The following SYNE1 variants were observed in gnomAD, a reference collection of about 807,000 sequenced individuals.
SYNE1 encodes nesprin-1.
In SYNE1, 616 loss-of-function variants were observed where a neutral mutation model predicts 1,111.0. The ratio of observed to expected loss-of-function variants is 0.55; its 90% CI spans 0.52 to 0.59. The LOEUF is 0.59. Ranked by LOEUF, SYNE1 falls within the 20% of genes least tolerant of loss-of-function variation. The pLI, the probability that SYNE1 is intolerant of heterozygous loss-of-function variation, is 0.00. For missense variants in SYNE1, 10,006 were observed against 10,417.0 expected, an observed-to-expected ratio of 0.96 and a Z score of 1.72; for synonymous variants, 3,855 against 3,825.8, an observed-to-expected ratio of 1.01 and a Z score of -0.28.
At chr6:152,303,402 CAAA>C (rs373230705) in intron 91 of SYNE1, among the ~76,000 whole-genome samples, 2 of 120,404 alleles carry the variant, frequency 1.7e-5, no homozygotes, top group African/African-American at 3.2e-5. Flanking sequence ...GACTCTGTCT[CAAA>C]AAAAAAAAAA....
rs770243142 is a variant in SYNE1, at chr6:152,154,904, T to C, written c.24117A>G (p.Leu8039=). The change falls in exon 133 of 146, where the codon CTA becomes CTG. Residue 8039 remains leucine, a synonymous_variant. Coordinates refer to ENST00000367255, the MANE Select transcript of SYNE1 (RefSeq NM_182961.4). The stretch of plus-strand genomic sequence containing the variant: ...AATTATAGATTACCTCAAATTTCTT[T>C]AGTTCTTCCTTGGCAACTGTATAGA... ...GVIYTVAKEE[L]KKFEAFQRQV... is the part of the protein sequence containing the mutation. 1.2e-6 allele frequency: 2 copies of C among 1,614,180 alleles called. No individual in the cohort carries two copies. Among genetic ancestry groups the C allele is most frequent in the South Asian group, 1.1e-5 (1 of 91,084 alleles).
intron 98 of SYNE1, among the ~76,000 whole-genome samples, chr6:152,273,594 G>A (rs1169587079): frequency 6.6e-6 from 1 of 152,204 alleles, no homozygotes; most frequent in African/African-American, 2.4e-5. Flanking sequence ...ATCCTGGCTT[G>A]TGGATATGCT....
At chr6:152,273,909 G>T (rs1041705362) in intron 98 of SYNE1, among the ~76,000 whole-genome samples, 2 of 152,108 alleles carry the variant, frequency 1.3e-5, no homozygotes, top group Non-Finnish European at 2.9e-5. Context: ...TGTGAGTGAG[G>T]ATCAGGCCGC....
At chr6:152,303,977 G>A (rs530860263) in intron 91 of SYNE1, among the ~76,000 whole-genome samples, 4 of 152,098 alleles carry the variant, frequency 2.6e-5, no homozygotes, top group Admixed American at 6.6e-5. Flanking sequence ...AACTGAAGCC[G>A]AGTGGAGCAA....
chr6:152,244,502 C>G, intron 106 of SYNE1, 35 bp downstream of exon 106: 4 of 1,613,554 alleles, frequency 2.5e-6, no homozygotes, highest in Non-Finnish European at 3.4e-6. Flanking sequence ...TTTGATGTAC[C>G]CCTGCAGCTG....
chr6:152,210,956 G>A (rs115117095), intron 124 of SYNE1, among the ~76,000 whole-genome samples: 3,099 of 152,292 alleles, frequency 0.02, 97 homozygotes, highest in African/African-American at 0.069. Context: ...CTCATGGCAT[G>A]AGAAAGCTGG....
intron 93 of SYNE1, among the ~76,000 whole-genome samples, chr6:152,295,348 C>T (rs1243504479): frequency 6.6e-6 from 1 of 152,146 alleles, no homozygotes; most frequent in Non-Finnish European, 1.5e-5. Context: ...TTATTCCTAA[C>T]CCTGTCACTG....
At chr6:152,531,699 T>C (rs1163068844) in intron 4 of SYNE1, among the ~76,000 whole-genome samples, 1 of 152,176 alleles carries the variant, frequency 6.6e-6, no homozygotes, top group Non-Finnish European at 1.5e-5. Context: ...CTATTTTCTT[T>C]TGAATGATTT....
chr6:152,188,095 C>A (rs550196204), intron 128 of SYNE1, among the ~76,000 whole-genome samples: 2 of 152,230 alleles, frequency 1.3e-5, no homozygotes, highest in East Asian at 3.9e-4. Context: ...TACACATTCT[C>A]CTAGACTGAT....
At chr6:152,131,725 C>T (rs2055747473) in intron 144 of SYNE1, among the ~76,000 whole-genome samples, 1 of 152,120 alleles carries the variant, frequency 6.6e-6, no homozygotes, top group South Asian at 2.1e-4. Context: ...GGCTCACAGG[C>T]GTTCACGGTT....
At chr6:152,328,569 C>G (rs989661320) in intron 78 of SYNE1, among the ~76,000 whole-genome samples, 4 of 146,634 alleles carry the variant, frequency 2.7e-5, no homozygotes, top group African/African-American at 9.9e-5. Context: ...CCAAACCCAG[C>G]TAATTTTTTT....
chr6:152,462,813 C>T lies in SYNE1; in HGVS notation c.2175G>A (p.Thr725=), dbSNP rs1023357286. The change falls in exon 20 of 146, where the codon ACG becomes ACA. Residue 725 remains threonine, a synonymous_variant. Coordinates refer to ENST00000367255, the MANE Select transcript of SYNE1 (RefSeq NM_182961.4). ...GTTCAGAAAGTTTCTTATGGGCTTC[C>T]GTTGCAAAAGCAGACAGGGTAACAA... is the stretch of plus-strand genomic sequence containing the variant. ...DCVVTLSAFA[T]EAHKKLSEPL... is the part of the protein sequence containing the mutation. The T allele has an allele frequency of 8.1e-6, 13 of 1,613,836 alleles. No individual in the cohort carries two copies. Among genetic ancestry groups the T allele is most frequent in the South Asian group, 4.4e-5 (4 of 91,080 alleles).
At chr6:152,241,517 T>TGC (rs1363410604) in intron 107 of SYNE1, among the ~76,000 whole-genome samples, 2 of 135,138 alleles carry the variant, frequency 1.5e-5, no homozygotes, top group African/African-American at 5.6e-5. Flanking sequence ...TGTGTGTGTG[T>TGC]GTGTGTGTGT....
In SYNE1 at chr6:152,354,932, T is replaced by C. The variant is rs762145320; in HGVS notation, c.10653A>G (p.Ser3551=). 5.6e-6 allele frequency: 9 copies of C among 1,614,168 alleles called. No individual in the cohort carries two copies. Among genetic ancestry groups the C allele is most frequent in the Non-Finnish European group, 5.9e-6 (7 of 1,180,042 alleles). ...TCACATCCTCTCTGGTGTGCAGCAC[T>C]GAGTTCAACAGGGCCTGCCCCTCTG... ...HCAEGQALLN[S]VLHTREDVIP... is the part of the protein sequence containing the mutation. The change falls in exon 67 of 146, where the codon TCA becomes TCG. Residue 3551 remains serine, a synonymous_variant. Transcript: ENST00000367255.
In SYNE1 at chr6:152,269,193, A is replaced by G; in HGVS notation, c.18667T>C (p.Trp6223Arg). ...QEWLAQARTT[W>R]TQQRQSSLQQ... The stretch of plus-strand genomic sequence containing the variant: ...AGACTGCTCTGCCGCTGCTGGGTCC[A>G]TGTGGTGCGAGCTTGGGCCAGCCAT... Residue 6223 changes from tryptophan to arginine, a missense_variant, in exon 99 of 146, where the codon TGG becomes CGG. Around this residue, in one of 7 missense-constraint regions of SYNE1, gnomAD observed 2,182 missense variants for 2,287.8 expected, o/e 0.95. Transcript: ENST00000367255. 3.7e-6 allele frequency: 6 copies of G among 1,614,172 alleles called. No individual in the cohort carries two copies. Among genetic ancestry groups the G allele is most frequent in the Non-Finnish European group, 5.1e-6 (6 of 1,180,036 alleles).
intron 86 of SYNE1, 23 bp from the exon 87 acceptor site, chr6:152,317,009 G>A: frequency 3.1e-6 from 5 of 1,612,862 alleles, no homozygotes; most frequent in Non-Finnish European, 4.2e-6. Flanking sequence ...TAACATTAAT[G>A]TAACAAATGT....
At chr6:152,307,486 A>G (rs765009499) in intron 91 of SYNE1, among the ~76,000 whole-genome samples, 2 of 152,148 alleles carry the variant, frequency 1.3e-5, no homozygotes, top group African/African-American at 4.8e-5. Context: ...AAATAAGACA[A>G]CCTTCTCCCA....
intron 56 of SYNE1, among the ~76,000 whole-genome samples, chr6:152,379,381 A>G (rs2097355144): frequency 6.6e-6 from 1 of 152,080 alleles, no homozygotes; most frequent in Non-Finnish European, 1.5e-5. Context: ...TTTTTACAAT[A>G]TTATATTATA....
At chr6:152,382,073 C>A (rs2097427673) in intron 55 of SYNE1, among the ~76,000 whole-genome samples, 3 of 152,196 alleles carry the variant, frequency 2.0e-5, no homozygotes, top group Admixed American at 1.3e-4. Flanking sequence ...TTAAAGCACA[C>A]AAATACTGTA....
Sources: gnomAD v4.1 joint callset for allele counts (sites outside exome capture counted in the v4.1 genomes callset) on GRCh38, gnomAD v4.1.1 for gene constraint, gnomAD v4.1.1 regional missense constraint, MANE v1.5 for transcripts, NCBI Gene and HGNC (gene_info 2026-07-23, HGNC 2026-07-21) for gene names.